JAKMIP3: variants seen among roughly 807,000 people sequenced by gnomAD.
The protein encoded by JAKMIP3 is Janus kinase and microtubule interacting protein 3, also known as janus kinase and microtubule-interacting protein 3.
JAKMIP3 carries 58 observed loss-of-function variants against 118.5 expected under a neutral mutation model. The observed-to-expected ratio is 0.49, with a 90% confidence interval of 0.40 to 0.61. The LOEUF (loss-of-function observed/expected upper bound fraction) is 0.61, where lower values mean the gene tolerates loss of function less well. Among genes scored for constraint, JAKMIP3 ranks in the 20% least tolerant of loss-of-function variants. The pLI is 0.00. For synonymous variants in JAKMIP3, 486 were observed against 451.2 expected (o/e 1.08, Z -0.98); for missense variants, 950 against 1,109.0 (o/e 0.86, Z 2.04).
At chr10:132,043,837 T>C (rs915723621) in intron 1 of JAKMIP3, among the ~76,000 whole-genome samples, 4 of 152,330 alleles carry the variant, frequency 2.6e-5, no homozygotes, top group Non-Finnish European at 1.5e-5. Flanking sequence ...CCTGGGTTGT[T>C]TTCCTTAACA....
chr10:132,097,184 C>T (rs192350526), intron 1 of JAKMIP3, among the ~76,000 whole-genome samples: 5 of 152,358 alleles, frequency 3.3e-5, no homozygotes, highest in East Asian at 1.9e-4. Context: ...AGGCAAGGCC[C>T]CTCTGGAGAC....
At chr10:132,082,545 G>A (rs1017715515) in intron 1 of JAKMIP3, among the ~76,000 whole-genome samples, 17 of 151,854 alleles carry the variant, frequency 1.1e-4, no homozygotes, top group African/African-American at 3.6e-4. Context: ...AGGTTGCTGC[G>A]AATGCCATTA....
intron 1 of JAKMIP3, among the ~76,000 whole-genome samples, chr10:132,075,026 C>T (rs2040553379): frequency 6.6e-6 from 1 of 152,142 alleles, no homozygotes; most frequent in African/African-American, 2.4e-5. Flanking sequence ...CATTCTGTTC[C>T]ATTGATCTAT....
At chr10:132,171,571 T>TA (rs1319909471) in intron 23 of JAKMIP3, among the ~76,000 whole-genome samples, 1 of 152,180 alleles carries the variant, frequency 6.6e-6, no homozygotes, top group African/African-American at 2.4e-5. Context: ...ATTTTAGACT[T>TA]AAAGTTGCAC....
chr10:132,054,870 CT>C (rs1450228719), intron 1 of JAKMIP3, among the ~76,000 whole-genome samples: 11 of 152,052 alleles, frequency 7.2e-5, no homozygotes, highest in African/African-American at 2.7e-4. Context: ...GAGTCCTGCA[CT>C]CCTACACCGA....
chr10:132,148,801 G>C (rs952511350), intron 14 of JAKMIP3, among the ~76,000 whole-genome samples: 2 of 152,230 alleles, frequency 1.3e-5, no homozygotes, highest in Admixed American at 1.3e-4. Context: ...CACCTGTGGG[G>C]CTGGGAGGAA....
intron 3 of JAKMIP3, among the ~76,000 whole-genome samples, chr10:132,126,204 C>A (rs2049505998): frequency 1.3e-5 from 2 of 152,160 alleles, no homozygotes; most frequent in African/African-American, 4.8e-5. Flanking sequence ...TTCCCAGCTG[C>A]AGGTGAAAGT....
Position 132,140,490 on chromosome 10 carries a change from G to A in JAKMIP3, c.1384G>A (p.Ala462Thr). The change falls in exon 10 of 24, where the codon GCT becomes ACT. Residue 462 changes from alanine to threonine, a missense_variant. Physicochemically the swap from Ala to Thr is moderately conservative, Grantham distance 58. Transcript: ENST00000684848. ...VETFFGYDEE[A>T]SLESDGSSVS... ...GACCTTCTTTGGATACGACGAAGAG[G>A]CTTCCCTGGAATCCGACGGCTCCTC... The A allele has an allele frequency of 2.5e-6, 4 of 1,613,912 alleles. No homozygotes were observed. Among genetic ancestry groups the A allele is most frequent in the Non-Finnish European group, 3.4e-6 (4 of 1,179,874 alleles).
At chr10:132,048,883 G>C (rs1305590492) in intron 1 of JAKMIP3, among the ~76,000 whole-genome samples, 1 of 151,946 alleles carries the variant, frequency 6.6e-6, no homozygotes. Flanking sequence ...CTCGTGATCC[G>C]CCTGCCTTCG....
intron 23 of JAKMIP3, among the ~76,000 whole-genome samples, chr10:132,180,738 C>CGTGTGT (rs1196753837): frequency 4.0e-4 from 3 of 7,480 alleles, no homozygotes; most frequent in African/African-American, 1.3e-3. Context: ...TGCGTGTGTG[C>CGTGTGT]GTGCGTGCGC....
intron 11 of JAKMIP3, 76 bp downstream of exon 11, chr10:132,142,124 C>G (rs1554948036): frequency 1.4e-6 from 2 of 1,453,560 alleles, no homozygotes; most frequent in East Asian, 5.0e-5. Context: ...GGCTGGGACA[C>G]CCCCCTCACT....
chr10:132,173,395 C>T (rs777646877), intron 23 of JAKMIP3, among the ~76,000 whole-genome samples: 14 of 151,212 alleles, frequency 9.3e-5, no homozygotes, highest in South Asian at 2.1e-4. Context: ...CTCATCTGTG[C>T]GGCCCTGGCA....
At chr10:132,134,852 C>T (rs111963497) in intron 4 of JAKMIP3, among the ~76,000 whole-genome samples, 189 bp from the exon 5 acceptor site, 9 of 152,352 alleles carry the variant, frequency 5.9e-5, no homozygotes, top group East Asian at 5.8e-4. Flanking sequence ...TTGCCTCACG[C>T]GGTTGCGGCA....
rs772637140 is a variant in JAKMIP3, at chr10:132,112,286, C to T, written c.136-4791C>T. 1.3e-5 allele frequency among the ~76,000 whole-genome samples: 2 copies of T among 151,778 alleles called. No individual in the cohort carries two copies. Among genetic ancestry groups the T allele is most frequent in the Admixed American group, 6.6e-5 (1 of 15,260 alleles). On this transcript the variant is annotated intron_variant, in intron 2 of 23. Coordinates refer to ENST00000684848, the MANE Select transcript of JAKMIP3 (RefSeq NM_001323087.2). The surrounding 1 kb of genome is among the most constrained non-coding windows in gnomAD (Gnocchi z 4.3). ...GGCACACGGGCCTCAGGTGTGGGAG[C>T]GGGGTCTCCGGGTGGTGGGAGATGC...
At chr10:132,159,576 C>CCCTGTGTGATGCTGGGGGTCCTCTG (rs764347847) in intron 19 of JAKMIP3, among the ~76,000 whole-genome samples, 1 of 95,246 alleles carries the variant, frequency 1.0e-5, no homozygotes, top group Non-Finnish European at 2.0e-5. Context: ...GGGCGTGTCT[C>CCCTGTGTGATGCTGGGGGTCCTCTG]CCTGTGTGAT....
At chr10:132,076,230 G>T (rs1225268522) in intron 1 of JAKMIP3, among the ~76,000 whole-genome samples, 1 of 151,838 alleles carries the variant, frequency 6.6e-6, no homozygotes, top group Non-Finnish European at 1.5e-5. Context: ...CGCCTCTTCT[G>T]CACCTTTCAC....
intron 1 of JAKMIP3, among the ~76,000 whole-genome samples, chr10:132,099,792 G>T (rs1332055306): frequency 6.6e-6 from 1 of 152,200 alleles, no homozygotes; most frequent in Non-Finnish European, 1.5e-5. Flanking sequence ...GTGCCTTGTG[G>T]CTCAGGTGCG....
intron 2 of JAKMIP3, among the ~76,000 whole-genome samples, chr10:132,110,155 A>T (rs1190313760): frequency 6.6e-6 from 1 of 151,958 alleles, no homozygotes; most frequent in Non-Finnish European, 1.5e-5. Flanking sequence ...GAACAGACCG[A>T]CCCTGCCCCA....
intron 3 of JAKMIP3, among the ~76,000 whole-genome samples, chr10:132,133,033 C>T (rs1217995482): frequency 6.6e-6 from 1 of 152,214 alleles, no homozygotes; most frequent in East Asian, 1.9e-4. Flanking sequence ...GGCAGGACAG[C>T]ACGGAATGGG....
Sources: allele counts gnomAD v4.1 joint callset (sites outside exome capture counted in the v4.1 genomes callset), GRCh38; gene constraint gnomAD v4.1.1; non-coding constraint Gnocchi (gnomAD v3.1); transcripts MANE v1.5; gene names NCBI Gene and HGNC (gene_info 2026-07-23, HGNC 2026-07-21).